NUDT17: variants seen among roughly 807,000 people sequenced by gnomAD.
NUDT17 encodes m7GpppN-mRNA hydrolase NUDT17.
Under a neutral mutation model 38.6 loss-of-function variants are expected in NUDT17, and 38 were observed. The ratio of observed to expected loss-of-function variants is 0.98; its 90% CI spans 0.76 to 1.29. The LOEUF (loss-of-function observed/expected upper bound fraction) is 1.29, where lower values mean the gene tolerates loss of function less well. Ranked by LOEUF, NUDT17 falls within the 50% of genes most tolerant of loss-of-function variation. The pLI, the probability that NUDT17 is intolerant of heterozygous loss-of-function variation, is 0.00. For synonymous variants in NUDT17, 192 were observed against 167.8 expected (o/e 1.14, Z -1.11); for missense variants, 462 against 415.2 (o/e 1.11, Z -0.98).
rs898862774 is a variant in NUDT17 at position 145,847,635 on chromosome 1, C to T, written c.647C>T (p.Pro216Leu). The T allele has an allele frequency of 6.2e-7, 1 of 1,614,012 alleles. No individual in the cohort carries two copies. Among genetic ancestry groups the T allele is most frequent in the African/African-American group, 1.3e-5 (1 of 75,002 alleles). ...GTGAGCGCCCTTATGTGGCTGACACCAGATGTAGCTGCTGCAGTGGCTGCC... is the reference window on the plus strand; with the variant it reads ...GTGAGCGCCCTTATGTGGCTGACACTAGATGTAGCTGCTGCAGTGGCTGCC... Reference protein sequence around the residue: ...NEVSALMWLTPDVAAAVAAAE... With the variant: ...NEVSALMWLTLDVAAAVAAAE... The change falls in exon 6 of 8, where the codon CCA becomes CTA. Residue 216 changes from proline (P) to leucine (L), a missense_variant. Physicochemically the swap from Pro to Leu is moderately conservative, Grantham distance 98. Coordinates refer to ENST00000334513, the MANE Select transcript of NUDT17 (RefSeq NM_001012758.3).
rs1481532114 is a variant in NUDT17 at position 145,846,026 on chromosome 1, G to T, written c.206G>T (p.Cys69Phe). ...ARLPLQRPPF[C>F]PFAALEERPR... ...TCCTTCTGCCAGCGACCCCCTTTCTGCCCTTTTGCGGCCCTGGAGGAGCGG... is the reference window on the plus strand; with the variant it reads ...TCCTTCTGCCAGCGACCCCCTTTCTTCCCTTTTGCGGCCCTGGAGGAGCGG... The change falls in exon 2 of 8, where the codon TGC (cysteine) becomes TTC (phenylalanine). Residue 69 changes from cysteine to phenylalanine, a missense_variant. Physicochemically the swap from Cys to Phe is radical, Grantham distance 205 (BLOSUM62 -2). Transcript: ENST00000334513. 5 of 1,602,488 alleles carry T rather than the reference G, an allele frequency of 3.1e-6. No individual in the cohort carries two copies. The highest frequency in any genetic ancestry group is 4.3e-6 in the Non-Finnish European group (5 of 1,175,404).
rs1270702568 is a variant in NUDT17 at position 145,846,088 on chromosome 1, G to C, written c.268G>C (p.Gly90Arg). The change falls in exon 2 of 8, where the codon GGT becomes CGT. Residue 90 changes from glycine to arginine, a missense_variant. Coordinates refer to ENST00000334513, the MANE Select transcript of NUDT17 (RefSeq NM_001012758.3). ...TGGGGCTGAGCTGCCCACAGATCGA[G>C]GTGTGGACCTGGGTGTGGCCGTCAT... ...VPGAELPTDR[G>R]VDLGVAVILQ... The C allele has an allele frequency of 4.4e-6, 7 of 1,604,654 alleles. No individual in the cohort carries two copies. The highest frequency in any genetic ancestry group is 6.0e-6 in the Non-Finnish European group (7 of 1,176,266).
rs1353025554 is a variant in NUDT17, at chr1:145,848,158, C to T, written c.778C>T (p.His260Tyr). 34 of 1,614,034 alleles carry T rather than the reference C, an allele frequency of 2.1e-5. No individual in the cohort carries two copies. In the Admixed American group the frequency reaches 5.3e-4, roughly 25 times the overall value. Residue 260 changes from histidine to tyrosine, a missense_variant, in exon 7 of 8, where the codon CAC becomes TAC. His to Tyr is a moderately conservative substitution (Grantham distance 83). Coordinates refer to ENST00000334513, the MANE Select transcript of NUDT17 (RefSeq NM_001012758.3). ...TGGAAGAGCCCGACCTCTGGTCCTG[C>T]ACATGTCCACCCTCCTGCGGATGAT... ...EDGRARPLVLHMSTLLRMIPT... is the reference protein window; with the variant it reads ...EDGRARPLVLYMSTLLRMIPT...
At chr1:145,846,502 T>A in intron 3 of NUDT17, 44 bp downstream of exon 3, 1 of 1,608,028 alleles carries the variant, frequency 6.2e-7, no homozygotes, top group Non-Finnish European at 8.5e-7. Flanking sequence ...GACCCATGCC[T>A]GGGACCATCT....
chr1:145,846,068 C>G lies in NUDT17; in HGVS notation c.248C>G (p.Ala83Gly). The change falls in exon 2 of 8, where the codon GCT becomes GGT. Residue 83 changes from alanine to glycine, a missense_variant. By Grantham distance (60) the Ala-to-Gly change is moderately conservative. Coordinates refer to ENST00000334513, the MANE Select transcript of NUDT17 (RefSeq NM_001012758.3). ...ALEERPRVPG[A>G]ELPTDRGVDL... ...GAGGAGCGGCCCAGGGTCCCTGGGG[C>G]TGAGCTGCCCACAGATCGAGGTGTG... 1 of 1,605,260 alleles carries G rather than the reference C, an allele frequency of 6.2e-7. No individual in the cohort carries two copies. The highest frequency in any genetic ancestry group is 8.5e-7 in the Non-Finnish European group (1 of 1,176,662).
At position 145,848,229 on chromosome 1, in the gene NUDT17, G is replaced by A. The variant is rs16827062; in HGVS notation, c.849G>A (p.Lys283=). 7,771 of 1,614,184 alleles carry A rather than the reference G, an allele frequency of 4.8e-3. 125 individuals are homozygous for A. The highest frequency in any genetic ancestry group is 0.036 in the South Asian group (3,256 of 91,084). ...AAGAGAGAGTCAGCACTGGAACCAAGTTTGCCCTCAAGCTCTGGCTGCAAC... is the reference window on the plus strand; with the variant it reads ...AAGAGAGAGTCAGCACTGGAACCAAATTTGCCCTCAAGCTCTGGCTGCAAC... The part of the protein sequence containing the change: ...EDKERVSTGT[K]FALKLWLQHL... The change falls in exon 7 of 8, where the codon AAG becomes AAA. Residue 283 remains lysine, a synonymous_variant. Transcript: ENST00000334513.
rs1652646583 is a variant in NUDT17, at chr1:145,846,075, G to A, written c.255G>A (p.Leu85=). The A allele has an allele frequency of 6.9e-6, 11 of 1,605,404 alleles. No individual in the cohort carries two copies. Among genetic ancestry groups the A allele is most frequent in the Non-Finnish European group, 8.5e-6 (10 of 1,176,656 alleles). Residue 85 remains leucine, a synonymous_variant, in exon 2 of 8, where the codon CTG becomes CTA. Transcript: ENST00000334513. The stretch of plus-strand genomic sequence containing the variant: ...GGCCCAGGGTCCCTGGGGCTGAGCT[G>A]CCCACAGATCGAGGTGTGGACCTGG... ...EERPRVPGAE[L]PTDRGVDLGV...
At chr1:145,848,032 G>A (rs1487416206) in intron 6 of NUDT17, 80 bp from the exon 7 acceptor site, 3 of 1,539,126 alleles carry the variant, frequency 1.9e-6, no homozygotes, top group South Asian at 2.3e-5. Context: ...TGGTAGTTGG[G>A]AGGATTCGGG....
In NUDT17 at chr1:145,846,195, G is replaced by C; in HGVS notation, c.375G>C (p.Pro125=). The change falls in exon 2 of 8, where the codon CCG becomes CCC. Residue 125 remains proline, a splice_region_variant and synonymous_variant. Coordinates refer to ENST00000334513, the MANE Select transcript of NUDT17 (RefSeq NM_001012758.3). ...LSVSPNLWVP[P]GGHVELEEEL... ...TTTCCCCCAACCTCTGGGTACCCCC[G>C]GGTGAGTATTCTGGGGACAAGGCCC... 4 of 1,582,686 alleles carry C rather than the reference G, an allele frequency of 2.5e-6. No individual in the cohort carries two copies. Among genetic ancestry groups the C allele is most frequent in the Non-Finnish European group, 2.6e-6 (3 of 1,164,222 alleles).
chr1:145,846,185 G>A lies in NUDT17; in HGVS notation c.365G>A (p.Trp122Ter). 2 of 1,585,454 alleles carry A rather than the reference G, an allele frequency of 1.3e-6. No individual in the cohort carries two copies. The highest frequency in any genetic ancestry group is 1.7e-4 in the Middle Eastern group (1 of 6,028). Residue 122 changes from tryptophan (W) to a stop codon, truncating the protein, a stop_gained, in exon 2 of 8, where the codon TGG (tryptophan) becomes TAG (stop). Coordinates refer to ENST00000334513, the MANE Select transcript of NUDT17 (RefSeq NM_001012758.3). LOFTEE classifies it high-confidence loss of function. ...ARTLSVSPNL[W>*]VPPGGHVELE... is the part of the protein sequence containing the mutation. Reference sequence around the variant, plus strand: ...ACCCTGAGCGTTTCCCCCAACCTCTGGGTACCCCCGGGTGAGTATTCTGGG... The same window carrying A: ...ACCCTGAGCGTTTCCCCCAACCTCTAGGTACCCCCGGGTGAGTATTCTGGG...
intron 3 of NUDT17, 24 bp from the exon 4 acceptor site, chr1:145,846,574 T>C: frequency 6.2e-7 from 1 of 1,611,402 alleles, no homozygotes; most frequent in African/African-American, 1.3e-5. Context: ...CTGGCCCCTC[T>C]GATGTGTCTT....
chr1:145,845,808 C>T lies in NUDT17; in HGVS notation c.168C>T (p.Gly56=). Residue 56 remains glycine, a synonymous_variant, in exon 1 of 8, where the codon GGC becomes GGT. Coordinates refer to ENST00000334513, the MANE Select transcript of NUDT17 (RefSeq NM_001012758.3). ...TCCTCTCGAGCAGGCCCTTCCCAGG[C>T]GCCTCCGCTAGGCTTCCGCTCCAGG... The part of the protein sequence containing the change: ...RLVLSSRPFP[G]ASARLPLQRP... The T allele has an allele frequency of 1.3e-6, 2 of 1,597,600 alleles. No individual in the cohort carries two copies. Among genetic ancestry groups the T allele is most frequent in the African/African-American group, 1.3e-5 (1 of 74,828 alleles).
At chr1:145,846,549 T>C (rs1553732538) in intron 3 of NUDT17, 49 bp from the exon 4 acceptor site, 1 of 1,605,342 alleles carries the variant, frequency 6.2e-7, no homozygotes, top group East Asian at 2.2e-5. Context: ...CAAAAGGACT[T>C]GGAAGAGTCA....
chr1:145,848,269 A>G lies in NUDT17; in HGVS notation c.884+5A>G. ...CTGGCTGCAACATCTGGGCAGGTAA[A>G]AGTGAAAAAGGACTGGAGAGCTCCA... On this transcript the variant is annotated splice_donor_5th_base_variant and intron_variant, in intron 7 of 7. Transcript: ENST00000334513. 1 of 1,614,136 alleles carries G rather than the reference A, an allele frequency of 6.2e-7. No individual in the cohort carries two copies. The highest frequency in any genetic ancestry group is 8.5e-7 in the Non-Finnish European group (1 of 1,180,004).
Position 145,848,459 on chromosome 1 carries a change from A to G in NUDT17, c.967A>G (p.Asn323Asp), listed in dbSNP as rs782610175. The G allele has an allele frequency of 1.5e-5, 24 of 1,613,500 alleles. No individual in the cohort carries two copies. The Admixed American group carries it at 4.0e-4, about 27-fold the overall frequency. The change falls in exon 8 of 8, where the codon AAC becomes GAC. Residue 323 changes from asparagine to aspartate, a missense_variant. Coordinates refer to ENST00000334513, the MANE Select transcript of NUDT17 (RefSeq NM_001012758.3). The part of the protein sequence containing the change: ...EEWNMDPLPP[N>D]QGSGK ...ATGGAACATGGACCCTCTTCCCCCA[A>G]ACCAGGGGTCTGGAAAGTGAAGTGT...
chr1:145,846,232 A>G (rs1185924813), intron 2 of NUDT17, 36 bp downstream of exon 2: 2 of 1,552,534 alleles, frequency 1.3e-6, no homozygotes, highest in Admixed American at 3.9e-5. Context: ...AAGTACAGAG[A>G]AGAAATTTGC....
intron 4 of NUDT17, 34 bp from the exon 5 acceptor site, chr1:145,847,208 AAGTGACGG>A: frequency 8.2e-7 from 1 of 1,214,130 alleles, no homozygotes; most frequent in Non-Finnish European, 1.2e-6. Flanking sequence ...AAAAAAAAAA[AAGTGACGG>A]AAAGTTCTCA....
rs202239856 is a variant in NUDT17, at chr1:145,845,750, C to G, written c.110C>G (p.Pro37Arg). The G allele has an allele frequency of 3.3e-4, 512 of 1,574,658 alleles. No individual in the cohort carries two copies. Among genetic ancestry groups the G allele is most frequent in the Non-Finnish European group, 4.0e-4 (463 of 1,160,612 alleles). ...GCCGGACCAGGGCTCGGGACGTGGC[C>G]CATTCACTGCAGCTTGAAGCGAGGA... ...LGAGPGLGTW[P>R]IHCSLKRGRL... The change falls in exon 1 of 8, where the codon CCC becomes CGC. Residue 37 changes from proline to arginine, a missense_variant. Pro to Arg is a moderately radical substitution (Grantham distance 103). Coordinates refer to ENST00000334513, the MANE Select transcript of NUDT17 (RefSeq NM_001012758.3).
intron 4 of NUDT17, 36 bp from the exon 5 acceptor site, chr1:145,847,214 C>T (rs782356664): frequency 5.6e-5 from 67 of 1,187,288 alleles, no homozygotes; most frequent in South Asian, 4.3e-4. Context: ...AAAAAAGTGA[C>T]GGAAAGTTCT....
Sources: allele counts gnomAD v4.1 joint callset, GRCh38; gene constraint gnomAD v4.1.1; transcripts MANE v1.5; gene names NCBI Gene and HGNC (gene_info 2026-07-23, HGNC 2026-07-21).